Variants in KIF9 observed in about 807,000 individuals in gnomAD.
KIF9 encodes kinesin family member 9, also known as kinesin-like protein KIF9.
In KIF9, 68 loss-of-function variants were observed where a neutral mutation model predicts 94.8. That is an observed-to-expected ratio of 0.72 (90% CI 0.59 to 0.88). The LOEUF (loss-of-function observed/expected upper bound fraction) is 0.88, where lower values mean the gene tolerates loss of function less well. KIF9 is among the 40% of genes least tolerant of loss of function. The pLI is 0.00. For missense variants in KIF9, 882 were observed against 982.5 expected, an observed-to-expected ratio of 0.90 and a Z score of 1.37; for synonymous variants, 343 against 362.1, an observed-to-expected ratio of 0.95 and a Z score of 0.60.
At chr3:47,248,264 C>G in intron 10 of KIF9, 178 bp from the exon 11 acceptor site, 1 of 606,246 alleles carries the variant, frequency 1.6e-6, no homozygotes, top group Non-Finnish European at 2.9e-6. Flanking sequence ...TGACTCTTCC[C>G]TAACTGGGGT....
chr3:47,277,505 A>G, intron 1 of KIF9, 126 bp from the exon 2 acceptor site: 1 of 657,260 alleles, frequency 1.5e-6, no homozygotes. Flanking sequence ...TCTCCCTGAA[A>G]GCCAGTTTTC....
At chr3:47,273,829 C>T (rs759241863) in intron 3 of KIF9, among the ~76,000 whole-genome samples, 171 bp from the exon 4 acceptor site, 15 of 152,188 alleles carry the variant, frequency 9.9e-5, no homozygotes, top group Non-Finnish European at 2.1e-4. Flanking sequence ...GGCAGGGGAA[C>T]AGGGACAAAA....
At chr3:47,262,301 T>C (rs1470523796) in intron 9 of KIF9, among the ~76,000 whole-genome samples, 5 of 151,242 alleles carry the variant, frequency 3.3e-5, no homozygotes, top group Admixed American at 3.3e-4. Context: ...TCTTTTGAGA[T>C]GGAGTCTTGC....
At chr3:47,263,760 T>C in intron 9 of KIF9, 1 of 437,532 alleles carries the variant, frequency 2.3e-6, no homozygotes, top group Non-Finnish European at 4.6e-6. Flanking sequence ...ATGGCTTCTC[T>C]CTCTTTCTGG....
At chr3:47,232,851 G>A (rs1403321981) in intron 20 of KIF9, among the ~76,000 whole-genome samples, 1 of 151,106 alleles carries the variant, frequency 6.6e-6, no homozygotes, top group Non-Finnish European at 1.5e-5. Context: ...GCGTGGTGGC[G>A]GGCACCTGTA....
chr3:47,274,105 A>G (rs1701816253), intron 3 of KIF9, among the ~76,000 whole-genome samples: 1 of 152,224 alleles, frequency 6.6e-6, no homozygotes, highest in Non-Finnish European at 1.5e-5. Flanking sequence ...GGGGCTTTCA[A>G]AATCTCCAGG....
At chr3:47,273,893 T>A (rs1322697946) in intron 3 of KIF9, among the ~76,000 whole-genome samples, 2 of 152,218 alleles carry the variant, frequency 1.3e-5, no homozygotes, top group African/African-American at 4.8e-5. Context: ...AATGCTCTGC[T>A]GTTCCCTCCA....
chr3:47,264,246 G>A, intron 9 of KIF9, 40 bp downstream of exon 9: 1 of 1,510,698 alleles, frequency 6.6e-7, no homozygotes, highest in Non-Finnish European at 9.2e-7. Context: ...CACCCATGAA[G>A]GGGGATTCCA....
chr3:47,228,875 C>G (rs780034563), intron 20 of KIF9, among the ~76,000 whole-genome samples, 173 bp from the exon 21 acceptor site: 1 of 152,184 alleles, frequency 6.6e-6, no homozygotes, highest in Non-Finnish European at 1.5e-5. Context: ...TCCATTCAAA[C>G]TCTTTCATTC....
At position 47,263,980 on chromosome 3, in the gene KIF9, G is replaced by C. The variant is rs1198035745; in HGVS notation, c.981+306C>G. ...CGATCCTTCTTGATCCCAATTCCAGGAGCAGCACCCCAGGAAACATGGTCC... is the reference window on the plus strand; with the variant it reads ...CGATCCTTCTTGATCCCAATTCCAGCAGCAGCACCCCAGGAAACATGGTCC... On this transcript the variant is annotated intron_variant, in intron 9 of 20. Coordinates refer to ENST00000684063, the MANE Select transcript of KIF9 (RefSeq NM_182902.4). 5 of 510,590 alleles carry C rather than the reference G, an allele frequency of 9.8e-6. No homozygotes were observed. In the East Asian group the frequency reaches 2.6e-4, roughly 27 times the overall value. The allele number at this position is 510,590 out of a possible 1,614,324, so 31.6% of individuals were successfully genotyped here. A position where few individuals can be genotyped will look rare whatever the true frequency, so the allele number is the denominator to read the frequency against.
At chr3:47,243,425 GGAA>G (rs1378302852) in intron 15 of KIF9, 180 bp from the exon 16 acceptor site, 1 of 449,654 alleles carries the variant, frequency 2.2e-6, no homozygotes, top group African/African-American at 2.0e-5. Context: ...CAGATGTGGA[GGAA>G]GAAGAGGGCA....
At chr3:47,275,892 C>G (rs745308879) in intron 2 of KIF9, among the ~76,000 whole-genome samples, 6 of 152,176 alleles carry the variant, frequency 3.9e-5, no homozygotes, top group South Asian at 2.1e-4. Context: ...TGGGCTCCAG[C>G]CTCATTGCTC....
At chr3:47,242,278 A>G (rs537986045) in intron 16 of KIF9, among the ~76,000 whole-genome samples, 2 of 152,316 alleles carry the variant, frequency 1.3e-5, no homozygotes, top group South Asian at 4.1e-4. Context: ...AAACCCTTTG[A>G]GAACTCTGGT....
At chr3:47,272,798 T>C (rs1480643803) in intron 4 of KIF9, among the ~76,000 whole-genome samples, 1 of 152,228 alleles carries the variant, frequency 6.6e-6, no homozygotes, top group Admixed American at 6.5e-5. Context: ...TCTAAGATGC[T>C]GAGATACTGA....
rs755923956 is a variant in KIF9, at chr3:47,275,627, G to A, written c.94-137C>T. The A allele has an allele frequency of 5.3e-5, 34 of 647,374 alleles. 1 individual carries two copies. The highest frequency in any genetic ancestry group is 3.6e-4 in the Admixed American group (12 of 33,236). The allele number at this position is 647,374 out of a possible 1,614,324, so 40.1% of individuals were successfully genotyped here. On this transcript the variant is annotated intron_variant, in intron 2 of 20. Coordinates refer to ENST00000684063, the MANE Select transcript of KIF9 (RefSeq NM_182902.4). ...GGATGAATGGGGACTCCCACGTAGG[G>A]GCTGATATTCCAGATGAATTCTTTG...
chr3:47,251,308 G>A (rs978412955), intron 10 of KIF9, among the ~76,000 whole-genome samples: 5 of 152,240 alleles, frequency 3.3e-5, no homozygotes, highest in Admixed American at 1.3e-4. Context: ...GCACATGCCT[G>A]TAATCCCAGC....
intron 9 of KIF9, among the ~76,000 whole-genome samples, chr3:47,258,664 T>A (rs1464795182): frequency 1.3e-5 from 2 of 152,146 alleles, no homozygotes; most frequent in Non-Finnish European, 2.9e-5. Flanking sequence ...TGCCCCTCAC[T>A]TTCTTCCTCC....
intron 2 of KIF9, among the ~76,000 whole-genome samples, chr3:47,276,096 A>G (rs1701948968): frequency 6.6e-6 from 1 of 152,204 alleles, no homozygotes; most frequent in Admixed American, 6.5e-5. Flanking sequence ...CTTCATAGTA[A>G]GCCATTGTAG....
chr3:47,277,494 C>G, intron 1 of KIF9, 115 bp from the exon 2 acceptor site: 1 of 704,620 alleles, frequency 1.4e-6, no homozygotes, highest in Non-Finnish European at 2.4e-6. Context: ...ATTTTTCCCT[C>G]TCTCCCTGAA....
Sources: allele counts gnomAD v4.1 joint callset (sites outside exome capture counted in the v4.1 genomes callset), GRCh38; gene constraint gnomAD v4.1.1; transcripts MANE v1.5; gene names NCBI Gene and HGNC (gene_info 2026-07-23, HGNC 2026-07-21).